DCP1A: variants seen among roughly 807,000 people sequenced by gnomAD.
The protein encoded by DCP1A is decapping mRNA 1A, also known as mRNA-decapping enzyme 1A.
In DCP1A, 20 loss-of-function variants were observed where a neutral mutation model predicts 58.0. That is an observed-to-expected ratio of 0.34 (90% CI 0.24 to 0.50). The LOEUF (loss-of-function observed/expected upper bound fraction) is 0.50. Among genes scored for constraint, DCP1A ranks in the 20% least tolerant of loss-of-function variants. DCP1A has a pLI of 0.98. For missense variants in DCP1A, 613 were observed against 712.2 expected, an observed-to-expected ratio of 0.86 and a Z score of 1.59; for synonymous variants, 285 against 275.1, an observed-to-expected ratio of 1.04 and a Z score of -0.36.
chr3:53,324,308 G>A (rs1402378813), intron 3 of DCP1A, among the ~76,000 whole-genome samples: 1 of 152,212 alleles, frequency 6.6e-6, no homozygotes, highest in Non-Finnish European at 1.5e-5. Flanking sequence ...AGCTCTGTCT[G>A]CCAACATATC....
chr3:53,307,382 C>T (rs1553688194), intron 5 of DCP1A, among the ~76,000 whole-genome samples: 1 of 152,102 alleles, frequency 6.6e-6, no homozygotes, highest in Non-Finnish European at 1.5e-5. Context: ...GTTGCAAAAC[C>T]TTATCGGCAA....
chr3:53,308,426 G>A (rs2106828339), intron 5 of DCP1A, among the ~76,000 whole-genome samples: 1 of 152,168 alleles, frequency 6.6e-6, no homozygotes, highest in East Asian at 1.9e-4. Context: ...CAAACAGCCA[G>A]GACCACAGGT....
intron 4 of DCP1A, among the ~76,000 whole-genome samples, chr3:53,315,523 A>G (rs1326198925): frequency 7.1e-6 from 1 of 140,216 alleles, no homozygotes; most frequent in Non-Finnish European, 1.5e-5. Flanking sequence ...TGACAGAGCA[A>G]GACTCTGTCT....
intron 6 of DCP1A, among the ~76,000 whole-genome samples, chr3:53,301,926 T>C (rs1251068531): frequency 2.0e-5 from 3 of 152,180 alleles, no homozygotes; most frequent in African/African-American, 7.2e-5. Context: ...AATGGATTAA[T>C]AGTTGCCAGG....
intron 3 of DCP1A, among the ~76,000 whole-genome samples, chr3:53,340,139 G>A (rs1206785199): frequency 6.6e-6 from 1 of 152,060 alleles, no homozygotes; most frequent in Non-Finnish European, 1.5e-5. Context: ...TGCCCAGGCT[G>A]GTCTCAAACT....
chr3:53,338,027 G>T (rs2089144920), intron 3 of DCP1A: 1 of 328,808 alleles, frequency 3.0e-6, no homozygotes, highest in African/African-American at 2.1e-5. Flanking sequence ...CAGTAGAGTG[G>T]AAAGAACATT....
intron 2 of DCP1A, among the ~76,000 whole-genome samples, chr3:53,344,238 G>A (rs2089263512): frequency 6.6e-6 from 1 of 152,034 alleles, no homozygotes; most frequent in Admixed American, 6.5e-5. Context: ...TAAGAGTTAA[G>A]ACCTTAGAGG....
intron 3 of DCP1A, among the ~76,000 whole-genome samples, chr3:53,320,496 A>C (rs1707932385): frequency 6.6e-6 from 1 of 152,166 alleles, no homozygotes; most frequent in Non-Finnish European, 1.5e-5. Context: ...TACCTCCTTA[A>C]ATACTTACAA....
At chr3:53,323,429 T>C (rs1324443279) in intron 3 of DCP1A, among the ~76,000 whole-genome samples, 4 of 152,206 alleles carry the variant, frequency 2.6e-5, no homozygotes, top group Non-Finnish European at 5.9e-5. Context: ...GGCAATTACA[T>C]AGGACTACCT....
chr3:53,294,167 A>G (rs1008977655), intron 6 of DCP1A, among the ~76,000 whole-genome samples: 4 of 152,260 alleles, frequency 2.6e-5, no homozygotes, highest in Non-Finnish European at 5.9e-5. Flanking sequence ...GACTTTATCC[A>G]CAGGGCAATG....
rs531349179 is a variant in DCP1A, at chr3:53,293,977, G to C, written c.625-1150C>G. Among the ~76,000 whole-genome samples, 4 of 152,338 alleles carry C rather than the reference G, an allele frequency of 2.6e-5. No individual in the cohort carries two copies. The South Asian group carries it at 8.3e-4, about 32-fold the overall frequency. On this transcript the variant is annotated intron_variant, in intron 6 of 9. Transcript: ENST00000610213. ...CAGAGTTGCAGAGCTCAGTGGGAAG[G>C]AAGGCACTAGGAAGAGGAGTGAAAC...
chr3:53,310,415 C>A (rs931753834), intron 5 of DCP1A, among the ~76,000 whole-genome samples: 35 of 152,214 alleles, frequency 2.3e-4, no homozygotes, highest in Admixed American at 1.3e-4. Flanking sequence ...GTAAGCCAGG[C>A]CACTTACTGG....
intron 8 of DCP1A, among the ~76,000 whole-genome samples, chr3:53,290,022 G>T (rs999727902): frequency 6.6e-6 from 1 of 152,162 alleles, no homozygotes; most frequent in East Asian, 1.9e-4. Context: ...GACCAGTCAG[G>T]TGCTGGCTCC....
intron 7 of DCP1A, 37 bp from the exon 8 acceptor site, chr3:53,290,893 G>A: frequency 6.5e-7 from 1 of 1,550,048 alleles, no homozygotes; most frequent in Non-Finnish European, 8.8e-7. Context: ...ACGGATATAA[G>A]AAGTTTCAAT....
At chr3:53,290,237 C>G (rs1461537124) in intron 8 of DCP1A, among the ~76,000 whole-genome samples, 2 of 152,146 alleles carry the variant, frequency 1.3e-5, no homozygotes, top group African/African-American at 4.8e-5. Flanking sequence ...ACAGAAGACA[C>G]AGGCCTGGGA....
At chr3:53,291,135 A>G (rs747816680) in intron 7 of DCP1A, among the ~76,000 whole-genome samples, 28 of 152,196 alleles carry the variant, frequency 1.8e-4, no homozygotes, top group Non-Finnish European at 3.8e-4. Context: ...ATCTTTAAAG[A>G]AAAACCTGAA....
rs1707666666 is a variant in DCP1A, at chr3:53,312,237, T to C, written c.510+4A>G. The C allele has an allele frequency of 6.3e-7, 1 of 1,589,328 alleles. No homozygotes were observed. The highest frequency in any genetic ancestry group is 2.2e-5 in the East Asian group (1 of 44,488). ...TCAGCACCCAAGTACCCAGAGAGCC[T>C]CACCCTCTCATACTCATCCTTGGCT... On this transcript the variant is annotated splice_donor_region_variant and intron_variant, in intron 5 of 9. Coordinates refer to ENST00000610213, the MANE Select transcript of DCP1A (RefSeq NM_018403.7).
intron 3 of DCP1A, among the ~76,000 whole-genome samples, chr3:53,339,896 C>T (rs2089173996): frequency 6.6e-6 from 1 of 152,136 alleles, no homozygotes; most frequent in African/African-American, 2.4e-5. Context: ...AAAATTGGAT[C>T]CATATTCATT....
intron 3 of DCP1A, among the ~76,000 whole-genome samples, chr3:53,324,851 T>C (rs1457846663): frequency 6.6e-6 from 1 of 152,048 alleles, no homozygotes; most frequent in Non-Finnish European, 1.5e-5. Flanking sequence ...TGGGACCTTG[T>C]TTATTTTTTA....
Sources: allele counts gnomAD v4.1 joint callset (sites outside exome capture counted in the v4.1 genomes callset), GRCh38; gene constraint gnomAD v4.1.1; transcripts MANE v1.5; gene names NCBI Gene and HGNC (gene_info 2026-07-23, HGNC 2026-07-21).